Variants in PRKN observed in about 807,000 individuals in gnomAD.
PRKN encodes the protein parkin RBR E3 ubiquitin protein ligase, also known as E3 ubiquitin-protein ligase parkin.
In PRKN, 56 loss-of-function variants were observed where a neutral mutation model predicts 59.5. The observed-to-expected ratio is 0.94, with a 90% CI of 0.76 to 1.18. The LOEUF (loss-of-function observed/expected upper bound fraction) is 1.18, where lower values mean the gene tolerates loss of function less well. Ranked by LOEUF, PRKN falls within the 50% of genes most tolerant of loss-of-function variation. The pLI, the probability that PRKN is intolerant of heterozygous loss-of-function variation, is 0.00. For missense variants in PRKN, 657 were observed against 596.4 expected (o/e 1.10, Z -1.06); for synonymous variants, 250 against 222.1 (o/e 1.13, Z -1.12).
intron 9 of PRKN, among the ~76,000 whole-genome samples, chr6:161,439,903 G>C (rs538409539): frequency 9.2e-5 from 14 of 151,884 alleles, no homozygotes; most frequent in Admixed American, 6.6e-4. Flanking sequence ...GCTGAGATTC[G>C]AGCATCAGTA....
At chr6:161,637,114 T>A (rs918086600) in intron 7 of PRKN, among the ~76,000 whole-genome samples, 2 of 152,318 alleles carry the variant, frequency 1.3e-5, no homozygotes, top group South Asian at 4.1e-4. Flanking sequence ...GTAAGATGTT[T>A]TTATAAACCG....
chr6:161,378,647 C>A lies in PRKN; in HGVS notation c.1167+8147G>T, dbSNP rs1395496650. On this transcript the variant is annotated intron_variant, in intron 10 of 11. Transcript: ENST00000366898. The surrounding 1 kb of genome is among the most constrained non-coding windows in gnomAD (Gnocchi z 7.3). ...GCATTGTGTCCCAGTGGGTGCATACCCATGGGAACACTGGTCCTGTCACAC... is the reference window on the plus strand; with the variant it reads ...GCATTGTGTCCCAGTGGGTGCATACACATGGGAACACTGGTCCTGTCACAC... Among the ~76,000 whole-genome samples the A allele has an allele frequency of 1.3e-5, 2 of 152,184 alleles. No individual in the cohort carries two copies.
intron 6 of PRKN, among the ~76,000 whole-genome samples, chr6:161,835,630 C>T (rs1466345722): frequency 6.6e-6 from 1 of 152,182 alleles, no homozygotes; most frequent in Non-Finnish European, 1.5e-5. Context: ...GGATAGGCGG[C>T]ACCGGCTTAT....
intron 2 of PRKN, among the ~76,000 whole-genome samples, chr6:162,404,686 C>T (rs986831035): frequency 2.0e-5 from 3 of 152,034 alleles, no homozygotes; most frequent in East Asian, 3.9e-4. Flanking sequence ...CCGAGTAGCT[C>T]GGACTACAGG....
chr6:162,623,532 G>A (rs963443542), intron 1 of PRKN, among the ~76,000 whole-genome samples: 2 of 152,156 alleles, frequency 1.3e-5, no homozygotes, highest in Admixed American at 6.5e-5. Flanking sequence ...ATTTTCCAAT[G>A]AGAATAGAGA....
At chr6:162,538,093 A>G (rs1461468315) in intron 1 of PRKN, among the ~76,000 whole-genome samples, 1 of 152,232 alleles carries the variant, frequency 6.6e-6, no homozygotes, top group Non-Finnish European at 1.5e-5. Flanking sequence ...TTCAAAAGTC[A>G]AAGTTGGAAA....
At chr6:162,015,178 ACTGTG>A (rs1782888138) in intron 5 of PRKN, among the ~76,000 whole-genome samples, 1 of 152,100 alleles carries the variant, frequency 6.6e-6, no homozygotes, top group Non-Finnish European at 1.5e-5. Context: ...GGTTTCTTTG[ACTGTG>A]AGTTCTGAAA....
At chr6:162,167,645 G>C (rs1019441967) in intron 4 of PRKN, among the ~76,000 whole-genome samples, 3 of 150,326 alleles carry the variant, frequency 2.0e-5, no homozygotes, top group African/African-American at 7.4e-5. Flanking sequence ...GTAAATTTAG[G>C]ACAAATAAGA....
At position 162,151,072 on chromosome 6, in the gene PRKN, G is replaced by C. The variant is rs566272425; in HGVS notation, c.534+50059C>G. Among the ~76,000 whole-genome samples the C allele has an allele frequency of 4.6e-4, 70 of 152,264 alleles. 1 individual carries two copies. The South Asian group carries it at 6.2e-3, about 14-fold the overall frequency. ...GACAGCAGGGACGATCCTAAATTAA[G>C]AAGAGAAAAAAGGGAAGAAAATCAG... On this transcript the variant is annotated intron_variant, in intron 4 of 11. Transcript: ENST00000366898.
At chr6:161,489,233 A>G (rs1583142755) in intron 9 of PRKN, among the ~76,000 whole-genome samples, 3 of 47,302 alleles carry the variant, frequency 6.3e-5, no homozygotes, top group South Asian at 9.2e-4. Context: ...TTCATACTGG[A>G]AAAAAAAAAA....
In PRKN at chr6:162,551,662, T is replaced by C. The variant is rs1417748098; in HGVS notation, c.8-108189A>G. On this transcript the variant is annotated intron_variant, in intron 1 of 11. Transcript: ENST00000366898. ...ACCTGTGTAAGAACCACCCAGAAGA[T>C]GGTTTGGTTTCTGTTGAGGGCAGAG... Among the ~76,000 whole-genome samples, 3 of 152,126 alleles carry C rather than the reference T, an allele frequency of 2.0e-5. No homozygotes were observed. The South Asian group carries it at 6.2e-4, about 32-fold the overall frequency.
chr6:161,729,127 T>C (rs192573587), intron 7 of PRKN, among the ~76,000 whole-genome samples: 102 of 152,372 alleles, frequency 6.7e-4, no homozygotes, highest in African/African-American at 2.3e-3. Context: ...CTTTTACTAT[T>C]GTAATTCTCA....
chr6:162,072,017 A>T (rs978041717), intron 4 of PRKN, among the ~76,000 whole-genome samples: 1 of 152,222 alleles, frequency 6.6e-6, no homozygotes, highest in African/African-American at 2.4e-5. Flanking sequence ...ATTTTAAGTC[A>T]TTGATTTTTT....
rs186668288 is a variant in PRKN at position 162,446,957 on chromosome 6, G to T, written c.8-3484C>A. ...TTTAGAGCTACATAAAGAGAAATTT[G>T]AATGCTGGTTGTAACGCTTGCTAAT... On this transcript the variant is annotated intron_variant, in intron 1 of 11. Coordinates refer to ENST00000366898, the MANE Select transcript of PRKN (RefSeq NM_004562.3). Among the ~76,000 whole-genome samples the T allele has an allele frequency of 6.8e-4, 103 of 152,286 alleles. 1 individual carries two copies. The highest frequency in any genetic ancestry group is 3.4e-3 in the Middle Eastern group (1 of 294).
At chr6:161,964,304 A>C (rs1057366118) in intron 6 of PRKN, among the ~76,000 whole-genome samples, 8 of 152,194 alleles carry the variant, frequency 5.3e-5, no homozygotes, top group African/African-American at 1.9e-4. Flanking sequence ...GTCATTAAGC[A>C]CTGCATCTGA....
At position 162,540,163 on chromosome 6, in the gene PRKN, G is replaced by A. The variant is rs564083336; in HGVS notation, c.8-96690C>T. Among the ~76,000 whole-genome samples, 33 of 152,188 alleles carry A rather than the reference G, an allele frequency of 2.2e-4. 1 individual carries two copies. In the South Asian group the frequency reaches 4.1e-3, roughly 19 times the overall value. On this transcript the variant is annotated intron_variant, in intron 1 of 11. Transcript: ENST00000366898. ...ACTCCTGACCTCAGGTGATCCACCC[G>A]CCTTGGCCTCCCAAAGTGCTGGGAT...
chr6:162,248,436 T>C (rs1779288685), intron 3 of PRKN, among the ~76,000 whole-genome samples: 1 of 152,150 alleles, frequency 6.6e-6, no homozygotes, highest in Non-Finnish European at 1.5e-5. Flanking sequence ...GGTTTCTGTC[T>C]CCATCTGATG....
chr6:161,697,649 CTCTCT>C (rs1409680799), intron 7 of PRKN, among the ~76,000 whole-genome samples: 5 of 152,170 alleles, frequency 3.3e-5, no homozygotes, highest in Non-Finnish European at 7.4e-5. Context: ...GTCTCCCTGC[CTCTCT>C]TCTCTAATCT....
At chr6:162,035,759 G>A (rs939905338) in intron 5 of PRKN, among the ~76,000 whole-genome samples, 2 of 152,250 alleles carry the variant, frequency 1.3e-5, no homozygotes, top group South Asian at 2.1e-4. Context: ...GACCCTCAAG[G>A]TTAATATAAT....
Sources: allele counts gnomAD v4.1 joint callset (sites outside exome capture counted in the v4.1 genomes callset), GRCh38; gene constraint gnomAD v4.1.1; non-coding constraint Gnocchi (gnomAD v3.1); transcripts MANE v1.5; gene names NCBI Gene and HGNC (gene_info 2026-07-23, HGNC 2026-07-21).